Variants in HERC1 observed in about 807,000 individuals in gnomAD.
HERC1 encodes probable E3 ubiquitin-protein ligase HERC1.
In HERC1, 160 loss-of-function variants were observed where a neutral mutation model predicts 554.3. The ratio of observed to expected loss-of-function variants is 0.29; its 90% CI spans 0.25 to 0.33. The LOEUF (loss-of-function observed/expected upper bound fraction) is 0.33, where lower values mean the gene tolerates loss of function less well. HERC1 is among the 10% of genes least tolerant of loss of function. The probability of loss-of-function intolerance (pLI) is 1.00; values close to 1 mark genes in which losing one functional copy is unlikely to be tolerated. For missense variants in HERC1, 4,919 were observed against 5,918.5 expected (o/e 0.83, Z 5.54); for synonymous variants, 2,175 against 2,131.7 (o/e 1.02, Z -0.56).
chr15:63,751,576 C>CTA (rs2075248449), intron 8 of HERC1, among the ~76,000 whole-genome samples: 1 of 152,074 alleles, frequency 6.6e-6, no homozygotes, highest in Non-Finnish European at 1.5e-5. Flanking sequence ...CTGGACCATA[C>CTA]TATATAGTAT....
intron 17 of HERC1, among the ~76,000 whole-genome samples, chr15:63,726,462 T>G (rs2074044792): frequency 6.6e-6 from 1 of 152,032 alleles, no homozygotes; most frequent in South Asian, 2.1e-4. Context: ...TTAATAAAAT[T>G]ACTCAAGAAA....
chr15:63,648,255 C>A, intron 54 of HERC1, 56 bp from the exon 55 acceptor site: 2 of 1,500,180 alleles, frequency 1.3e-6, no homozygotes, highest in East Asian at 2.3e-5. Flanking sequence ...CATTGTCTGA[C>A]TTAAAAGACA....
rs7176133 is a variant in HERC1 at position 63,718,905 on chromosome 15, T to C, written c.3743-8A>G. On this transcript the variant is annotated splice_region_variant and splice_polypyrimidine_tract_variant and intron_variant, in intron 19 of 77. Coordinates refer to ENST00000443617, the MANE Select transcript of HERC1 (RefSeq NM_003922.4). The surrounding 1 kb of genome is among the most constrained non-coding windows in gnomAD (Gnocchi z 4.2). The stretch of plus-strand genomic sequence containing the variant: ...AAGTTGCACTGTCCCAATCTGAAAA[T>C]AAAAATGATGCATTGACATTTAAAA... 464,894 of 1,566,576 alleles carry C rather than the reference T, an allele frequency of 0.3. 73,097 individuals are homozygous for C. The highest frequency in any genetic ancestry group is 0.34 in the Middle Eastern group (2,026 of 5,914).
chr15:63,758,128 T>C lies in HERC1; in HGVS notation c.1221+47A>G, dbSNP rs1039722795. 1 of 1,349,944 alleles carries C rather than the reference T, an allele frequency of 7.4e-7. No homozygotes were observed. Among genetic ancestry groups the C allele is most frequent in the Non-Finnish European group, 1.0e-6 (1 of 956,598 alleles). 83.6% of individuals were successfully genotyped at this position (1,349,944 alleles called of 1,614,324 possible). On this transcript the variant is annotated intron_variant, in intron 4 of 77. Coordinates refer to ENST00000443617, the MANE Select transcript of HERC1 (RefSeq NM_003922.4). The surrounding 1 kb of genome is among the most constrained non-coding windows in gnomAD (Gnocchi z 4.0). ...ATTATTTAATGCAAATAAGCATGAA[T>C]ATACACCAGATTATCTACCAGTTTG...
chr15:63,764,132 G>A lies in HERC1; in HGVS notation c.990C>T (p.Cys330=), dbSNP rs1490753393. 6.2e-7 allele frequency: 1 copy of A among 1,610,662 alleles called. No homozygotes were observed. The highest frequency in any genetic ancestry group is 1.1e-5 in the South Asian group (1 of 90,182). The change falls in exon 3 of 78, where the codon TGC becomes TGT. Residue 330 remains cysteine, a synonymous_variant. Coordinates refer to ENST00000443617, the MANE Select transcript of HERC1 (RefSeq NM_003922.4). ...GACATAATGCTGCCTCGTAAAGGGA[G>A]CACAAGCCATCCGATGTTCTGGTTG... ...REPTRTSDGL[C]SLYEAALCLF... is the part of the protein sequence containing the mutation.
At chr15:63,713,023 C>T (rs2073380958) in intron 23 of HERC1, 128 bp from the exon 24 acceptor site, 2 of 923,278 alleles carry the variant, frequency 2.2e-6, no homozygotes, top group Non-Finnish European at 3.2e-6. Context: ...GACAGGAAAT[C>T]CTGACTCTTG....
At chr15:63,762,469 G>A (rs747302087) in intron 3 of HERC1, among the ~76,000 whole-genome samples, 9 of 152,028 alleles carry the variant, frequency 5.9e-5, no homozygotes, top group African/African-American at 1.7e-4. Context: ...GATTACAGAC[G>A]TCTGCCGCCC....
At chr15:63,733,898 C>T (rs990924675) in intron 13 of HERC1, among the ~76,000 whole-genome samples, 1 of 152,084 alleles carries the variant, frequency 6.6e-6, no homozygotes, top group African/African-American at 2.4e-5. Flanking sequence ...ATAGTGGTCT[C>T]ATGCCTATAA....
intron 3 of HERC1, among the ~76,000 whole-genome samples, chr15:63,761,433 A>G (rs150833060): frequency 0.014 from 2,059 of 152,178 alleles, 23 homozygotes; most frequent in East Asian, 0.027. Flanking sequence ...ATAAAAATAA[A>G]AAAATTAGCC....
rs1405471170 is a variant in HERC1 at position 63,833,865 on chromosome 15, G to T, written c.-65C>A. The stretch of plus-strand genomic sequence containing the variant: ...TGGCGGGGTGGGGCGCGGCTCCGGC[G>T]ACCCGAGCCCGGCTCCGCAGAGGCT... On this transcript the variant is annotated 5_prime_UTR_variant, in exon 1 of 78. Coordinates refer to ENST00000443617, the MANE Select transcript of HERC1 (RefSeq NM_003922.4). The T allele has an allele frequency of 6.5e-6, 1 of 152,822 alleles. No homozygotes were observed. Among genetic ancestry groups the T allele is most frequent in the African/African-American group, 2.4e-5 (1 of 41,412 alleles). 9.5% of individuals were successfully genotyped at this position (152,822 alleles called of 1,614,324 possible). A position where few individuals can be genotyped will look rare whatever the true frequency, so the allele number is the denominator to read the frequency against.
chr15:63,689,627 T>C lies in HERC1; in HGVS notation c.6010A>G (p.Ile2004Val). 6.3e-7 allele frequency: 1 copy of C among 1,581,706 alleles called. No individual in the cohort carries two copies. The highest frequency in any genetic ancestry group is 8.6e-7 in the Non-Finnish European group (1 of 1,162,316). The stretch of plus-strand genomic sequence containing the variant: ...TCTTGTTCTTTTTCCTTTATCTGAA[T>C]AGCATGTTTGGCCTGAGCAATGGGT... ...ETPIAQAKHA[I>V]QIKEKEQEIK... Residue 2004 changes from isoleucine to valine, a missense_variant, in exon 33 of 78, where the codon ATT (isoleucine) becomes GTT (valine). Transcript: ENST00000443617.
Position 63,686,369 on chromosome 15 carries a change from T to C in HERC1, c.6215A>G (p.Tyr2072Cys). 1 of 1,602,412 alleles carries C rather than the reference T, an allele frequency of 6.2e-7. No homozygotes were observed. Residue 2072 changes from tyrosine (Y) to cysteine (C), a missense_variant, in exon 34 of 78, where the codon TAT becomes TGT. Transcript: ENST00000443617. ...LASTGVTSGCYQWKFYIVKEN... is the reference protein window; with the variant it reads ...LASTGVTSGCCQWKFYIVKEN... ...AGATTTTCTACGTACCTTCCACTGA[T>C]AGCACCCAGAAGTTACTCCTGTAGA... is the stretch of plus-strand genomic sequence containing the variant.
At chr15:63,810,673 C>T (rs1305478507) in intron 1 of HERC1, among the ~76,000 whole-genome samples, 1 of 151,862 alleles carries the variant, frequency 6.6e-6, no homozygotes, top group Non-Finnish European at 1.5e-5. Flanking sequence ...TCTATGGATG[C>T]TAAAACCAAT....
chr15:63,623,947 C>G, intron 72 of HERC1, 57 bp from the exon 73 acceptor site: 2 of 1,560,868 alleles, frequency 1.3e-6, no homozygotes, highest in South Asian at 2.3e-5. Flanking sequence ...TCCCCAAAAT[C>G]ACATGATATC....
At chr15:63,785,764 C>A (rs2076418197) in intron 1 of HERC1, among the ~76,000 whole-genome samples, 1 of 150,972 alleles carries the variant, frequency 6.6e-6, no homozygotes, top group Non-Finnish European at 1.5e-5. Flanking sequence ...GACCCTGTCT[C>A]TAAATAAAGA....
chr15:63,643,852 C>T (rs2069190888), intron 57 of HERC1, among the ~76,000 whole-genome samples: 1 of 152,184 alleles, frequency 6.6e-6, no homozygotes, highest in Non-Finnish European at 1.5e-5. Context: ...ATACTGACTA[C>T]TTTTTAACCA....
chr15:63,639,396 G>A (rs1379751153), intron 61 of HERC1, among the ~76,000 whole-genome samples: 5 of 152,086 alleles, frequency 3.3e-5, no homozygotes, highest in Admixed American at 6.6e-5. Flanking sequence ...AGACTATACC[G>A]TATAGTCTTG....
chr15:63,743,670 A>T (rs2074921591), intron 12 of HERC1, among the ~76,000 whole-genome samples: 1 of 152,192 alleles, frequency 6.6e-6, no homozygotes, highest in African/African-American at 2.4e-5. Flanking sequence ...GATTCTTTCA[A>T]ATTATTTTAA....
chr15:63,678,295 G>A lies in HERC1; in HGVS notation c.6620C>T (p.Pro2207Leu), dbSNP rs1348103969. 1 of 1,613,336 alleles carries A rather than the reference G, an allele frequency of 6.2e-7. No individual in the cohort carries two copies. The highest frequency in any genetic ancestry group is 8.5e-7 in the Non-Finnish European group (1 of 1,179,718). Residue 2207 changes from proline to leucine, a missense_variant, in exon 37 of 78, where the codon CCA (proline) becomes CTA (leucine). By Grantham distance (98) the Pro-to-Leu change is moderately conservative. Around this residue, in one of 11 missense-constraint regions of HERC1, gnomAD observed 1,963 missense variants for 2,228.6 expected, o/e 0.88. Transcript: ENST00000443617. ...DLLPGDPICS[P>L]VAAVLAEATI... is the part of the protein sequence containing the mutation. ...GGCCTCAGCCAGCACTGCTGCTACT[G>A]GACTACAAATAGGGTCTCCTGGAAG...
Sources: allele counts gnomAD v4.1 joint callset (sites outside exome capture counted in the v4.1 genomes callset), GRCh38; gene constraint gnomAD v4.1.1; regional missense constraint gnomAD v4.1.1; non-coding constraint Gnocchi (gnomAD v3.1); transcripts MANE v1.5; gene names NCBI Gene and HGNC (gene_info 2026-07-23, HGNC 2026-07-21).